The following ZSCAN5A variants were observed in gnomAD, a reference collection of about 807,000 sequenced individuals.
ZSCAN5A encodes the protein zinc finger and SCAN domain-containing protein 5A.
A neutral mutation model predicts 23.7 loss-of-function variants in ZSCAN5A; 12 were observed. The observed-to-expected ratio is 0.51, with a 90% confidence interval of 0.32 to 0.82. ZSCAN5A has a LOEUF of 0.82. Among genes scored for constraint, ZSCAN5A ranks in the 40% least tolerant of loss-of-function variants. ZSCAN5A has a pLI of 0.03. For missense variants in ZSCAN5A, 597 were observed against 617.9 expected (o/e 0.97, Z 0.36); for synonymous variants, 257 against 239.9 (o/e 1.07, Z -0.66).
intron 2 of ZSCAN5A, among the ~76,000 whole-genome samples, chr19:56,231,629 ACACT>A (rs2034469533): frequency 1.3e-5 from 2 of 152,178 alleles, no homozygotes; most frequent in Admixed American, 1.3e-4. Flanking sequence ...CTCACATGAC[ACACT>A]CAGTCTCTCA....
At chr19:56,244,201 A>C in intron 2 of ZSCAN5A, 1 of 1,609,704 alleles carries the variant, frequency 6.2e-7, no homozygotes, top group Non-Finnish European at 8.5e-7. Flanking sequence ...TCAGCTGCCC[A>C]GAGGAGTCGG....
At chr19:56,231,277 A>G (rs2146490014) in intron 2 of ZSCAN5A, among the ~76,000 whole-genome samples, 1 of 152,352 alleles carries the variant, frequency 6.6e-6, no homozygotes, top group East Asian at 1.9e-4. Context: ...AGTCACTCAT[A>G]TGTCAAATTA....
chr19:56,276,506 C>T (rs1283928623), intron 2 of ZSCAN5A, among the ~76,000 whole-genome samples: 41 of 139,700 alleles, frequency 2.9e-4, no homozygotes, highest in South Asian at 4.6e-4. Flanking sequence ...CTAAAGAGCT[C>T]TTTTTTTTTT....
At chr19:56,240,070 G>A (rs10411391) in intron 2 of ZSCAN5A, among the ~76,000 whole-genome samples, 116,111 of 151,474 alleles carry the variant, frequency 0.77, 44,651 homozygotes, top group Admixed American at 0.82. Context: ...GCTGAGGCAG[G>A]AGAATCGCTT....
chr19:56,249,958 G>C (rs548814454), intron 2 of ZSCAN5A, among the ~76,000 whole-genome samples: 13 of 152,316 alleles, frequency 8.5e-5, no homozygotes, highest in African/African-American at 3.1e-4. Flanking sequence ...GCAGAGACCA[G>C]AGATCCTCAG....
chr19:56,326,527 C>G (rs980326572), intron 2 of ZSCAN5A, among the ~76,000 whole-genome samples: 5 of 152,012 alleles, frequency 3.3e-5, no homozygotes, highest in Non-Finnish European at 7.4e-5. Context: ...TCTGTTACTA[C>G]TCTCTGAGTT....
At chr19:56,257,157 A>C (rs768907402) in intron 2 of ZSCAN5A, among the ~76,000 whole-genome samples, 2 of 152,152 alleles carry the variant, frequency 1.3e-5, no homozygotes, top group Non-Finnish European at 2.9e-5. Context: ...GCTTAGGTCC[A>C]AGAGGGGCGA....
intron 2 of ZSCAN5A, chr19:56,246,515 G>T (rs761021820): frequency 3.0e-6 from 2 of 661,514 alleles, no homozygotes; most frequent in Non-Finnish European, 5.5e-6. Context: ...CTCTTCTGGG[G>T]TGTGGGGCTG....
chr19:56,367,699 T>C (rs2041780021), intron 1 of ZSCAN5A, among the ~76,000 whole-genome samples: 2 of 152,192 alleles, frequency 1.3e-5, no homozygotes. Context: ...TATTGTTCCG[T>C]GCACACATGA....
Position 56,228,209 on chromosome 19 carries a change from T to C in ZSCAN5A, c.-127-3036A>G, listed in dbSNP as rs2034136412. On this transcript the variant is annotated intron_variant, in intron 2 of 5. Transcript: ENST00000683990. ...AACTTTCTGAAACCAACCCCCGACATGCCAGCTCCTAAACCCGACAGACAT... is the reference window on the plus strand; with the variant it reads ...AACTTTCTGAAACCAACCCCCGACACGCCAGCTCCTAAACCCGACAGACAT... 19 of 984,268 alleles carry C rather than the reference T, an allele frequency of 1.9e-5. No homozygotes were observed. The South Asian group carries it at 5.7e-4, about 29-fold the overall frequency. The allele number at this position is 984,268 out of a possible 1,614,324, so 61.0% of individuals were successfully genotyped here.
At chr19:56,262,652 G>A (rs753515827) in intron 2 of ZSCAN5A, among the ~76,000 whole-genome samples, 5 of 151,532 alleles carry the variant, frequency 3.3e-5, no homozygotes, top group Admixed American at 6.6e-5. Context: ...CACTGGTCTC[G>A]AACTCCTGAC....
chr19:56,311,086 CA>C (rs1411345610), intron 2 of ZSCAN5A, among the ~76,000 whole-genome samples: 10 of 151,780 alleles, frequency 6.6e-5, no homozygotes, highest in East Asian at 3.9e-4. Flanking sequence ...GATATAAGAC[CA>C]GGGGGTTTCG....
intron 2 of ZSCAN5A, among the ~76,000 whole-genome samples, chr19:56,356,269 AAG>A (rs1392576407): frequency 1.3e-5 from 2 of 148,676 alleles, no homozygotes; most frequent in African/African-American, 5.1e-5. Context: ...GCCCCGAACA[AAG>A]AGAGCAGCCA....
intron 2 of ZSCAN5A, among the ~76,000 whole-genome samples, chr19:56,273,347 A>G (rs1479073192): frequency 6.6e-6 from 1 of 152,210 alleles, no homozygotes; most frequent in East Asian, 1.9e-4. Flanking sequence ...GACACCAAAG[A>G]GTATATTGGG....
At chr19:56,315,010 G>A (rs1240885191), upstream of ZSCAN5A, 5 of 151,764 alleles carry the variant, frequency 3.3e-5, no homozygotes, top group East Asian at 1.9e-4. Context: ...TCTAACAAGC[G>A]TTTCCAACTC....
At chr19:56,322,486 C>T (rs1393386797) in intron 2 of ZSCAN5A, among the ~76,000 whole-genome samples, 1 of 152,232 alleles carries the variant, frequency 6.6e-6, no homozygotes, top group African/African-American at 2.4e-5. Context: ...CCAGCTTTTC[C>T]AGTAATACTG....
chr19:56,264,271 G>T (rs1208342088), intron 2 of ZSCAN5A, among the ~76,000 whole-genome samples: 2 of 152,180 alleles, frequency 1.3e-5, no homozygotes, highest in Non-Finnish European at 2.9e-5. Context: ...TGGGATTACA[G>T]GCATGAGCCA....
chr19:56,272,872 T>C, intron 2 of ZSCAN5A: 3 of 985,464 alleles, frequency 3.0e-6, no homozygotes, highest in Non-Finnish European at 3.6e-6. Context: ...ATGTCGCTGC[T>C]GATTCTGCTT....
chr19:56,294,475 A>G (rs1293183994), intron 2 of ZSCAN5A, among the ~76,000 whole-genome samples: 2 of 152,256 alleles, frequency 1.3e-5, no homozygotes, highest in Non-Finnish European at 2.9e-5. Context: ...GACATAAGGC[A>G]GGGATCAATC....
Sources: gnomAD v4.1 joint callset for allele counts (sites outside exome capture counted in the v4.1 genomes callset) on GRCh38, gnomAD v4.1.1 for gene constraint, MANE v1.5 for transcripts, NCBI Gene and HGNC (gene_info 2026-07-23, HGNC 2026-07-21) for gene names.